The following PTPN22 variants were observed in gnomAD, a reference collection of about 807,000 sequenced individuals.
The protein encoded by PTPN22 is protein tyrosine phosphatase non-receptor type 22.
Under a neutral mutation model 103.3 loss-of-function variants are expected in PTPN22, and 85 were observed. The ratio of observed to expected loss-of-function variants is 0.82; its 90% confidence interval spans 0.69 to 0.99. The LOEUF (loss-of-function observed/expected upper bound fraction) is 0.99. Among genes scored for constraint, PTPN22 ranks in the 50% least tolerant of loss-of-function variants. The probability of loss-of-function intolerance (pLI) is 0.00; values close to 1 mark genes in which losing one functional copy is unlikely to be tolerated. For missense variants in PTPN22, 865 were observed against 936.9 expected, an observed-to-expected ratio of 0.92 and a Z score of 1.00; for synonymous variants, 323 against 310.2, an observed-to-expected ratio of 1.04 and a Z score of -0.43.
chr1:113,817,032 T>TA (rs1048482468), intron 20 of PTPN22, among the ~76,000 whole-genome samples: 39 of 151,654 alleles, frequency 2.6e-4, no homozygotes, highest in African/African-American at 4.3e-4. Context: ...ATGGTGATGA[T>TA]AAAAAAAAAT....
At chr1:113,866,435 C>T (rs1666122215) in intron 1 of PTPN22, among the ~76,000 whole-genome samples, 1 of 151,884 alleles carries the variant, frequency 6.6e-6, no homozygotes. Flanking sequence ...AGCTTGAACC[C>T]GGGAGGTGGT....
At chr1:113,848,973 A>C (rs942385840) in intron 10 of PTPN22, among the ~76,000 whole-genome samples, 1 of 152,134 alleles carries the variant, frequency 6.6e-6, no homozygotes, top group Non-Finnish European at 1.5e-5. Context: ...TAAAAAAAAA[A>C]ATATTTCATT....
In PTPN22 at chr1:113,829,938, C is replaced by T. The variant is rs1427525743; in HGVS notation, c.2134+11G>A. On this transcript the variant is annotated intron_variant, in intron 17 of 20. Transcript: ENST00000359785. ...TTTATGATTTTTTTGAGAGAAAGTG[C>T]TACCACTTACAATCTTCATCGGCAA... 3.8e-6 allele frequency: 6 copies of T among 1,575,050 alleles called. No individual in the cohort carries two copies. The highest frequency in any genetic ancestry group is 4.4e-6 in the Non-Finnish European group (5 of 1,145,394).
rs1420123093 is a variant in PTPN22, at chr1:113,829,712, A to T, written c.2135-5T>A. 2 of 718,104 alleles carry T rather than the reference A, an allele frequency of 2.8e-6. No homozygotes were observed. Among genetic ancestry groups the T allele is most frequent in the Non-Finnish European group, 3.6e-6 (2 of 556,504 alleles). The allele number at this position is 718,104 out of a possible 1,614,324, so 44.5% of individuals were successfully genotyped here. A position where few individuals can be genotyped will look rare whatever the true frequency, so the allele number is the denominator to read the frequency against. ...CTATAGATTGGGCCTGCATACCTTA[A>T]AAAAAAAAAAGGAGAAAAACATGTT... is the stretch of plus-strand genomic sequence containing the variant. On this transcript the variant is annotated splice_polypyrimidine_tract_variant and splice_region_variant and intron_variant, in intron 17 of 20. Transcript: ENST00000359785.
At chr1:113,856,556 C>T in exon 6 of PTPN22, 1 of 1,614,190 alleles carries the variant, frequency 6.2e-7, no homozygotes, top group South Asian at 1.1e-5. Flanking sequence ...ACACAGGATA[C>T]AGAGAAAGGG....
chr1:113,857,358 C>A (rs191943759), intron 5 of PTPN22, among the ~76,000 whole-genome samples: 5 of 152,224 alleles, frequency 3.3e-5, no homozygotes, highest in South Asian at 2.1e-4. Flanking sequence ...TAATTGAGTT[C>A]CCCAGTCACA....
chr1:113,862,398 ATAAGCTAATAG>A, intron 1 of PTPN22, among the ~76,000 whole-genome samples: 1 of 152,316 alleles, frequency 6.6e-6, no homozygotes, highest in South Asian at 2.1e-4. Context: ...TGTGTGCTTG[ATAAGCTAATAG>A]TAAGTTCATT....
chr1:113,847,105 C>T (rs907231348), intron 11 of PTPN22, among the ~76,000 whole-genome samples: 1 of 136,690 alleles, frequency 7.3e-6, no homozygotes, highest in South Asian at 2.4e-4. Context: ...TTCTACTTTT[C>T]AATTCATTAA....
intron 17 of PTPN22, 49 bp downstream of exon 17, chr1:113,829,900 T>C: frequency 1.3e-6 from 2 of 1,491,138 alleles, no homozygotes; most frequent in Non-Finnish European, 1.9e-6. Flanking sequence ...GTTAATCTTT[T>C]AACATTTTCA....
At chr1:113,857,999 C>T in intron 4 of PTPN22, 1 of 350,432 alleles carries the variant, frequency 2.9e-6, no homozygotes, top group Non-Finnish European at 5.2e-6. Flanking sequence ...AATCTTGTTA[C>T]CAAATGAGCC....
chr1:113,848,426 C>T, intron 11 of PTPN22, 114 bp downstream of exon 11: 4 of 1,470,388 alleles, frequency 2.7e-6, no homozygotes, highest in Admixed American at 1.8e-5. Context: ...CTATGCACAC[C>T]TGACGCTCTC....
chr1:113,830,012 A>T (rs750154756), exon 17 of PTPN22: 2 of 1,603,458 alleles, frequency 1.2e-6, no homozygotes, highest in Non-Finnish European at 1.7e-6. Flanking sequence ...GGGGGAGAAG[A>T]ACGATCTTGA....
exon 17 of PTPN22, chr1:113,829,999 G>T (rs1553247323): frequency 6.2e-7 from 1 of 1,607,470 alleles, no homozygotes; most frequent in Non-Finnish European, 8.5e-7. Context: ...TGGGAGAGGA[G>T]GTGGGGGAGA....
At chr1:113,841,130 C>T (rs1490205851) in intron 11 of PTPN22, among the ~76,000 whole-genome samples, 6 of 151,812 alleles carry the variant, frequency 4.0e-5, no homozygotes, top group Admixed American at 6.6e-5. Context: ...AGGCTGAGGC[C>T]GGAGAATCAC....
rs745620871 is a variant in PTPN22 at position 113,864,307 on chromosome 1, T to C, written c.88-4847A>G. The stretch of plus-strand genomic sequence containing the variant: ...TGGGAGGCTGAGGCTGGAGGATCAC[T>C]TGAGTCCAGGAAGTCAAGTCTGCAG... On this transcript the variant is annotated intron_variant, in intron 1 of 20. Coordinates refer to ENST00000359785, the Ensembl canonical transcript of PTPN22. The C allele has an allele frequency of 3.2e-4, 145 of 446,558 alleles. 4 individuals carry two copies. Among genetic ancestry groups the C allele is most frequent in the South Asian group, 2.3e-3 (145 of 63,586 alleles). 27.7% of individuals were successfully genotyped at this position (446,558 alleles called of 1,614,324 possible).
chr1:113,848,787 T>TA (rs1160551901), intron 10 of PTPN22, among the ~76,000 whole-genome samples, 161 bp from the exon 11 acceptor site: 2 of 152,206 alleles, frequency 1.3e-5, no homozygotes, highest in Admixed American at 1.3e-4. Flanking sequence ...GCCTTATGCT[T>TA]ACGTAGTTCA....
chr1:113,843,570 G>C (rs966328770), intron 11 of PTPN22, among the ~76,000 whole-genome samples: 1 of 151,870 alleles, frequency 6.6e-6, no homozygotes, highest in Non-Finnish European at 1.5e-5. Context: ...GGATACAGAG[G>C]GTCTGTTTAG....
intron 19 of PTPN22, among the ~76,000 whole-genome samples, chr1:113,824,194 C>T (rs1013269599): frequency 2.0e-5 from 3 of 152,056 alleles, no homozygotes; most frequent in Non-Finnish European, 2.9e-5. Context: ...CTCCGCATCC[C>T]GAGTTCAAGC....
Position 113,838,044 on chromosome 1 carries a change from A to G in PTPN22, c.1356T>C (p.Phe452=), listed in dbSNP as rs56174946. 1.2e-5 allele frequency: 19 copies of G among 1,613,946 alleles called. No homozygotes were observed. In the East Asian group the frequency reaches 3.6e-4, roughly 30 times the overall value. ...TGGTTTCTCTCTGCTGTATCAATTC[A>G]AAAGGAGTTGATTTGGTCCGTGTTA... is the stretch of plus-strand genomic sequence containing the variant. Residue 452 remains phenylalanine, a synonymous_variant, in exon 13 of 21, where the codon TTT becomes TTC. Coordinates refer to ENST00000359785, the Ensembl canonical transcript of PTPN22.
Sources: gnomAD v4.1 joint callset for allele counts (sites outside exome capture counted in the v4.1 genomes callset) on GRCh38, gnomAD v4.1.1 for gene constraint, MANE v1.5 for transcripts, NCBI Gene and HGNC (gene_info 2026-07-23, HGNC 2026-07-21) for gene names.